Variants in NXPH1 observed in about 807,000 individuals in gnomAD.
The protein encoded by NXPH1 is neurexophilin 1.
Under a neutral mutation model 23.7 loss-of-function variants are expected in NXPH1, and 5 were observed. The observed-to-expected ratio is 0.21, with a 90% CI of 0.11 to 0.44. NXPH1 has a LOEUF of 0.44. Among genes scored for constraint, NXPH1 ranks in the 20% least tolerant of loss-of-function variants. NXPH1 has a pLI of 0.99. For missense variants in NXPH1, 324 were observed against 321.6 expected, an observed-to-expected ratio of 1.01 and a Z score of -0.06; for synonymous variants, 144 against 122.2, an observed-to-expected ratio of 1.18 and a Z score of -1.18.
Position 8,584,610 on chromosome 7 carries a change from A to G in NXPH1, c.54+148843A>G, listed in dbSNP as rs148661976. ...TGGTATCACAGAGGGATAAAGTGAT[A>G]TGGAAATATGATCAGTACCATGGGT... On this transcript the variant is annotated intron_variant, in intron 2 of 2. Coordinates refer to ENST00000405863, the MANE Select transcript of NXPH1 (RefSeq NM_152745.3). Among the ~76,000 whole-genome samples the G allele has an allele frequency of 7.1e-3, 1,079 of 152,318 alleles. 10 individuals carry two copies. The highest frequency in any genetic ancestry group is 0.023 in the African/African-American group (950 of 41,566).
chr7:8,751,335 A>C lies in NXPH1; in HGVS notation c.382A>C (p.Ile128Leu), dbSNP rs1363940245. ...MFGWGDFHSN[I>L]KTVKLNLLIT... ...TGGATGGGGCGATTTTCATTCCAAC[A>C]TCAAAACAGTGAAGCTGAACCTGTT... is the stretch of plus-strand genomic sequence containing the variant. Residue 128 changes from isoleucine (I) to leucine (L), a missense_variant, in exon 3 of 3, where the codon ATC becomes CTC. Physicochemically the swap from Ile to Leu is conservative, Grantham distance 5 (BLOSUM62 2). Transcript: ENST00000405863. The surrounding 1 kb of genome is among the most constrained non-coding windows in gnomAD (Gnocchi z 4.5). 1 of 1,613,950 alleles carries C rather than the reference A, an allele frequency of 6.2e-7. No individual in the cohort carries two copies. The highest frequency in any genetic ancestry group is 8.5e-7 in the Non-Finnish European group (1 of 1,179,866).
intron 2 of NXPH1, among the ~76,000 whole-genome samples, chr7:8,475,329 C>A (rs1027659874): frequency 6.6e-5 from 10 of 152,028 alleles, no homozygotes; most frequent in South Asian, 2.1e-4. Flanking sequence ...TTAATAGGAA[C>A]CTTTCTGTTC....
At chr7:8,560,093 T>G (rs1488146482) in intron 2 of NXPH1, among the ~76,000 whole-genome samples, 1 of 151,730 alleles carries the variant, frequency 6.6e-6, no homozygotes, top group Non-Finnish European at 1.5e-5. Context: ...AACAGAATTC[T>G]ACTTGAAAGA....
chr7:8,604,319 C>T (rs904230006), intron 2 of NXPH1, among the ~76,000 whole-genome samples: 4 of 152,152 alleles, frequency 2.6e-5, no homozygotes, highest in African/African-American at 7.2e-5. Context: ...TGTACAAAAA[C>T]ATATCTTGAG....
intron 2 of NXPH1, among the ~76,000 whole-genome samples, chr7:8,494,786 C>T (rs1184904738): frequency 6.6e-6 from 1 of 152,010 alleles, no homozygotes; most frequent in Non-Finnish European, 1.5e-5. Context: ...TCTGCATATG[C>T]ATATAGAATA....
intron 2 of NXPH1, among the ~76,000 whole-genome samples, chr7:8,711,195 A>G (rs1007645162): frequency 1.3e-5 from 2 of 152,146 alleles, no homozygotes; most frequent in Non-Finnish European, 2.9e-5. Context: ...GGAGAAGAAA[A>G]CAAAGACTTT....
At chr7:8,484,356 C>G (rs993125) in intron 2 of NXPH1, among the ~76,000 whole-genome samples, 1 of 151,328 alleles carries the variant, frequency 6.6e-6, no homozygotes, top group Non-Finnish European at 1.5e-5. Flanking sequence ...CTTTATTCAC[C>G]GTAGCTGGTC....
At chr7:8,729,049 C>T (rs1283021440) in intron 2 of NXPH1, among the ~76,000 whole-genome samples, 4 of 152,006 alleles carry the variant, frequency 2.6e-5, no homozygotes, top group East Asian at 3.9e-4. Context: ...GATTCAACTT[C>T]TTCCTGGTTT....
chr7:8,579,029 G>C (rs565648746), intron 2 of NXPH1, among the ~76,000 whole-genome samples: 2 of 152,322 alleles, frequency 1.3e-5, no homozygotes, highest in Middle Eastern at 3.4e-3. Flanking sequence ...TAGAGAAGCA[G>C]GCAGAGGCCA....
In NXPH1 at chr7:8,736,778, T is replaced by A. The variant is rs535645098; in HGVS notation, c.55-14230T>A. The stretch of plus-strand genomic sequence containing the variant: ...GACAGTCTAAGTCTCTTTTTAGGTG[T>A]CTAAAAATTTGCTTTATGAATATGG... On this transcript the variant is annotated intron_variant, in intron 2 of 2. Transcript: ENST00000405863. Among the ~76,000 whole-genome samples, 105 of 152,306 alleles carry A rather than the reference T, an allele frequency of 6.9e-4. 1 individual carries two copies. Among genetic ancestry groups the A allele is most frequent in the African/African-American group, 2.4e-3 (101 of 41,572 alleles).
At position 8,500,398 on chromosome 7, in the gene NXPH1, T is replaced by C. The variant is rs573277918; in HGVS notation, c.54+64631T>C. Among the ~76,000 whole-genome samples, 4 of 152,152 alleles carry C rather than the reference T, an allele frequency of 2.6e-5. No individual in the cohort carries two copies. The East Asian group carries it at 5.8e-4, about 22-fold the overall frequency. On this transcript the variant is annotated intron_variant, in intron 2 of 2. Coordinates refer to ENST00000405863, the MANE Select transcript of NXPH1 (RefSeq NM_152745.3). ...ATGATGAATAGCACAGACTTTAGGGTCAGGCTGCTTGAGTTTGAATTCGAG... is the reference window on the plus strand; with the variant it reads ...ATGATGAATAGCACAGACTTTAGGGCCAGGCTGCTTGAGTTTGAATTCGAG...
intron 2 of NXPH1, among the ~76,000 whole-genome samples, chr7:8,483,588 C>T (rs560084529): frequency 5.3e-5 from 8 of 152,196 alleles, no homozygotes; most frequent in East Asian, 3.9e-4. Context: ...GGATTACAGG[C>T]GTGCACCACC....
At chr7:8,504,930 T>C (rs1817496648) in intron 2 of NXPH1, among the ~76,000 whole-genome samples, 1 of 152,032 alleles carries the variant, frequency 6.6e-6, no homozygotes, top group South Asian at 2.1e-4. Context: ...AATAAATATT[T>C]GTTGTTTGAA....
chr7:8,697,409 C>G (rs564524190), intron 2 of NXPH1, among the ~76,000 whole-genome samples: 9 of 152,174 alleles, frequency 5.9e-5, no homozygotes, highest in Admixed American at 2.0e-4. Flanking sequence ...TGAAATGGTA[C>G]AGGTGAGAGA....
intron 2 of NXPH1, among the ~76,000 whole-genome samples, chr7:8,683,376 T>C (rs943713329): frequency 1.3e-5 from 2 of 152,176 alleles, no homozygotes; most frequent in Non-Finnish European, 2.9e-5. Flanking sequence ...ACTGGCTGAA[T>C]TGCACAACAC....
At chr7:8,546,465 T>G (rs377182518) in intron 2 of NXPH1, among the ~76,000 whole-genome samples, 60 of 151,300 alleles carry the variant, frequency 4.0e-4, no homozygotes, top group African/African-American at 1.3e-3. Context: ...CACACTGCAA[T>G]CTATGGACTC....
At chr7:8,458,026 G>C (rs1308933628) in intron 2 of NXPH1, among the ~76,000 whole-genome samples, 2 of 152,144 alleles carry the variant, frequency 1.3e-5, no homozygotes, top group Admixed American at 1.3e-4. Flanking sequence ...AATTATTTGA[G>C]AAAAATTTTA....
At chr7:8,516,062 A>G (rs1318388149) in intron 2 of NXPH1, among the ~76,000 whole-genome samples, 1 of 152,076 alleles carries the variant, frequency 6.6e-6, no homozygotes, top group Non-Finnish European at 1.5e-5. Context: ...CTCATCTGTA[A>G]CACCATAGGC....
chr7:8,625,855 C>A (rs1272812253), intron 2 of NXPH1, among the ~76,000 whole-genome samples: 1 of 152,028 alleles, frequency 6.6e-6, no homozygotes, highest in Non-Finnish European at 1.5e-5. Flanking sequence ...TAGATTAACC[C>A]CACAGCCTTC....
Sources: allele counts gnomAD v4.1 joint callset (sites outside exome capture counted in the v4.1 genomes callset), GRCh38; gene constraint gnomAD v4.1.1; non-coding constraint Gnocchi (gnomAD v3.1); transcripts MANE v1.5; gene names NCBI Gene and HGNC (gene_info 2026-07-23, HGNC 2026-07-21).